ATP6V1C1: variants seen among roughly 807,000 people sequenced by gnomAD.
ATP6V1C1 encodes ATPase H+ transporting V1 subunit C1.
Under a neutral mutation model 53.9 loss-of-function variants are expected in ATP6V1C1, and 45 were observed. The observed-to-expected ratio is 0.83, with a 90% confidence interval of 0.66 to 1.07. The LOEUF is 1.07. Among genes scored for constraint, ATP6V1C1 ranks in the 50% least tolerant of loss-of-function variants. The pLI, the probability that ATP6V1C1 is intolerant of heterozygous loss-of-function variation, is 0.00. For missense variants in ATP6V1C1, 315 were observed against 440.3 expected (o/e 0.72, Z 2.55); for synonymous variants, 153 against 155.2 (o/e 0.99, Z 0.11).
At chr8:103,047,479 A>G (rs920813457) in intron 3 of ATP6V1C1, among the ~76,000 whole-genome samples, 13 of 143,306 alleles carry the variant, frequency 9.1e-5, no homozygotes, top group African/African-American at 3.3e-4. Flanking sequence ...TTTTTTAAGG[A>G]AAAAAAACCA....
chr8:103,034,032 G>T (rs1279860140), intron 1 of ATP6V1C1, among the ~76,000 whole-genome samples: 1 of 152,194 alleles, frequency 6.6e-6, no homozygotes. Flanking sequence ...CTTGTAGTCA[G>T]ATGTGGATAC....
At chr8:103,022,693 G>A (rs1816619545) in intron 1 of ATP6V1C1, among the ~76,000 whole-genome samples, 1 of 152,092 alleles carries the variant, frequency 6.6e-6, no homozygotes, top group Non-Finnish European at 1.5e-5. Context: ...CTCTGAGAGG[G>A]TATGACTTTT....
chr8:103,053,815 C>T (rs564083625), intron 6 of ATP6V1C1, 69 bp from the exon 7 acceptor site: 34 of 1,117,450 alleles, frequency 3.0e-5, no homozygotes, highest in Non-Finnish European at 4.5e-5. Flanking sequence ...AATGATTAGC[C>T]TGCTGTTTCT....
intron 1 of ATP6V1C1, among the ~76,000 whole-genome samples, chr8:103,029,208 T>C (rs893860501): frequency 1.3e-5 from 2 of 152,116 alleles, no homozygotes; most frequent in Non-Finnish European, 2.9e-5. Context: ...TGATAAATAT[T>C]GCCAAATTGT....
chr8:103,057,183 T>G (rs1817302607), intron 8 of ATP6V1C1, among the ~76,000 whole-genome samples: 1 of 152,200 alleles, frequency 6.6e-6, no homozygotes, highest in African/African-American at 2.4e-5. Flanking sequence ...ATACAGAATC[T>G]TCTTGGGTCC....
At chr8:103,061,556 G>T (rs1817395678) in intron 8 of ATP6V1C1, among the ~76,000 whole-genome samples, 1 of 152,018 alleles carries the variant, frequency 6.6e-6, no homozygotes, top group African/African-American at 2.4e-5. Flanking sequence ...AAAAAACAAA[G>T]AAAACAACCA....
chr8:103,054,659 A>G (rs570784738), intron 7 of ATP6V1C1, among the ~76,000 whole-genome samples: 2 of 152,250 alleles, frequency 1.3e-5, no homozygotes, highest in South Asian at 2.1e-4. Context: ...ATATTTGATC[A>G]TAGTTAATCT....
At chr8:103,025,237 A>G (rs1816675442) in intron 1 of ATP6V1C1, among the ~76,000 whole-genome samples, 1 of 152,246 alleles carries the variant, frequency 6.6e-6, no homozygotes, top group South Asian at 2.1e-4. Flanking sequence ...CTTTTGAATC[A>G]GCCCATAGTT....
chr8:103,064,205 TAA>T (rs1817450764), intron 10 of ATP6V1C1, among the ~76,000 whole-genome samples: 1 of 152,142 alleles, frequency 6.6e-6, no homozygotes. Flanking sequence ...ATTTAGAATG[TAA>T]AGAGGTTTTA....
At chr8:103,050,737 T>G (rs934049147) in intron 4 of ATP6V1C1, among the ~76,000 whole-genome samples, 9 of 152,184 alleles carry the variant, frequency 5.9e-5, no homozygotes, top group Non-Finnish European at 1.0e-4. Context: ...TAATTTGAAG[T>G]AGTTTCTTAA....
At chr8:103,045,064 G>T (rs137925304) in intron 3 of ATP6V1C1, among the ~76,000 whole-genome samples, 31 of 152,158 alleles carry the variant, frequency 2.0e-4, no homozygotes, top group Non-Finnish European at 3.1e-4. Flanking sequence ...GGGATACAAA[G>T]ATTTTATTTT....
rs372004988 is a variant in ATP6V1C1 at position 103,055,916 on chromosome 8, G to A, written c.621G>A (p.Met207Ile). 5 of 1,611,998 alleles carry A rather than the reference G, an allele frequency of 3.1e-6. No individual in the cohort carries two copies. The highest frequency in any genetic ancestry group is 4.2e-6 in the Non-Finnish European group (5 of 1,178,444). ...WIKQYETLAE[M>I]VVPRSSNVLS... Reference sequence around the variant, plus strand: ...AGCAGTATGAAACACTAGCCGAAATGGTAGTTCCAAGGTCTAGCAAGTAAG... The same window carrying A: ...AGCAGTATGAAACACTAGCCGAAATAGTAGTTCCAAGGTCTAGCAAGTAAG... Residue 207 changes from methionine to isoleucine, a missense_variant, in exon 8 of 13, where the codon ATG becomes ATA. Physicochemically the swap from Met to Ile is conservative, Grantham distance 10. Transcript: ENST00000518738.
At chr8:103,057,035 CA>C (rs1175047622) in intron 8 of ATP6V1C1, among the ~76,000 whole-genome samples, 23 of 152,092 alleles carry the variant, frequency 1.5e-4, no homozygotes, top group Admixed American at 3.3e-4. Context: ...GTGTTTTGAA[CA>C]AAAAATTGGA....
rs1191148857 is a variant in ATP6V1C1, at chr8:103,063,040, G to A, written c.727G>A (p.Glu243Lys). 6.2e-7 allele frequency: 1 copy of A among 1,613,638 alleles called. No individual in the cohort carries two copies. The change falls in exon 9 of 13, where the codon GAA becomes AAA. Residue 243 changes from glutamate (E) to lysine (K), a missense_variant. By Grantham distance (56) the Glu-to-Lys change is moderately conservative (BLOSUM62 1). Transcript: ENST00000518738. ...TGATGACTTCAGACACAAAGCCAGAGAAAACAAGTAAGATTATTGTTTTTT... is the reference window on the plus strand; with the variant it reads ...TGATGACTTCAGACACAAAGCCAGAAAAAACAAGTAAGATTATTGTTTTTT... Reference protein sequence around the residue: ...AVDDFRHKARENKFIVRDFQY... With the variant: ...AVDDFRHKARKNKFIVRDFQY...
At chr8:103,021,437 GAGAA>G (rs1426226308) in intron 1 of ATP6V1C1, 1 of 152,324 alleles carries the variant, frequency 6.6e-6, no homozygotes, top group African/African-American at 2.4e-5. Flanking sequence ...GAGGGAAAAA[GAGAA>G]AGAGCTCTCG....
intron 1 of ATP6V1C1, among the ~76,000 whole-genome samples, chr8:103,039,431 T>G (rs1816954970): frequency 6.6e-6 from 1 of 152,218 alleles, no homozygotes; most frequent in Non-Finnish European, 1.5e-5. Context: ...CTATAATACT[T>G]TACATTTTAA....
At chr8:103,039,913 T>C (rs1816966135) in intron 1 of ATP6V1C1, among the ~76,000 whole-genome samples, 2 of 152,010 alleles carry the variant, frequency 1.3e-5, no homozygotes, top group Non-Finnish European at 2.9e-5. Context: ...TTTTTTTTTT[T>C]CAGATTTGTA....
intron 8 of ATP6V1C1, among the ~76,000 whole-genome samples, chr8:103,061,790 C>T (rs1817402488): frequency 6.6e-6 from 1 of 152,202 alleles, no homozygotes; most frequent in South Asian, 2.1e-4. Flanking sequence ...AGATTCCCCT[C>T]AGTAACATTC....
At position 103,072,758 on chromosome 8, in the gene ATP6V1C1, TGA is replaced by T. The variant is rs1817606809; in HGVS notation, c.*4016_*4017del. On this transcript the variant is annotated 3_prime_UTR_variant, in exon 13 of 13. Transcript: ENST00000518738. ...TTTTTAGATCTGAGCTGATGACTTG[TGA>T]GAGAAAAAGGGAACAGAGTAAAGCC... The T allele has an allele frequency of 6.6e-6, 1 of 152,080 alleles. No homozygotes were observed. The highest frequency in any genetic ancestry group is 1.5e-5 in the Non-Finnish European group (1 of 68,016). 9.4% of individuals were successfully genotyped at this position (152,080 alleles called of 1,614,324 possible).
Sources: gnomAD v4.1 joint callset for allele counts (sites outside exome capture counted in the v4.1 genomes callset) on GRCh38, gnomAD v4.1.1 for gene constraint, MANE v1.5 for transcripts, NCBI Gene and HGNC (gene_info 2026-07-23, HGNC 2026-07-21) for gene names.